Variants in OSBPL1A observed in about 807,000 individuals in gnomAD.
OSBPL1A encodes the protein oxysterol binding protein like 1A.
OSBPL1A carries 80 observed loss-of-function variants against 137.1 expected under a neutral mutation model. The ratio of observed to expected loss-of-function variants is 0.58; its 90% CI spans 0.49 to 0.70. The LOEUF is 0.70. OSBPL1A is among the 30% of genes least tolerant of loss of function. The pLI is 0.00. For missense variants in OSBPL1A, 970 were observed against 1,129.4 expected, an observed-to-expected ratio of 0.86 and a Z score of 2.02; for synonymous variants, 365 against 389.7, an observed-to-expected ratio of 0.94 and a Z score of 0.75.
chr18:24,323,539 C>CTTTTTTTTTTTTTTTTTTTTTTTT (rs763234169), intron 7 of OSBPL1A, among the ~76,000 whole-genome samples: 1 of 35,154 alleles, frequency 2.8e-5, no homozygotes, highest in Non-Finnish European at 5.0e-5. Flanking sequence ...GAGGCTTTTT[C>CTTTTTTTTTTTTTTTTTTTTTTTT]TTTTTTTTTT....
At position 24,208,737 on chromosome 18, in the gene OSBPL1A, A is replaced by C. The variant is rs1393267017; in HGVS notation, c.1602-12537T>G. Among the ~76,000 whole-genome samples, 5 of 152,250 alleles carry C rather than the reference A, an allele frequency of 3.3e-5. No individual in the cohort carries two copies. In the East Asian group the frequency reaches 9.6e-4, roughly 29 times the overall value. ...ACATTGCTGAGATCAACTTTATGCC[A>C]GATGATTTTCTATTAATTAGGGATC... On this transcript the variant is annotated intron_variant, in intron 17 of 27. Transcript: ENST00000319481.
chr18:24,249,186 C>G (rs2088994392), intron 15 of OSBPL1A, among the ~76,000 whole-genome samples: 1 of 152,196 alleles, frequency 6.6e-6, no homozygotes, highest in Admixed American at 6.5e-5. Context: ...ATTTCCATTA[C>G]CATGTACAGT....
intron 13 of OSBPL1A, 25 bp from the exon 14 acceptor site, chr18:24,303,743 TAAAAC>T (rs1476117494): frequency 9.0e-6 from 14 of 1,563,734 alleles, no homozygotes; most frequent in Non-Finnish European, 1.2e-5. Context: ...AAGACAAAAT[TAAAAC>T]AAAGTAATAA....
At chr18:24,372,528 C>A (rs1350165883) in intron 2 of OSBPL1A, among the ~76,000 whole-genome samples, 1 of 152,142 alleles carries the variant, frequency 6.6e-6, no homozygotes, top group Non-Finnish European at 1.5e-5. Flanking sequence ...CAATGGGTGG[C>A]CCCTCATTCC....
chr18:24,221,096 T>C (rs749206361), intron 17 of OSBPL1A, among the ~76,000 whole-genome samples: 9 of 152,216 alleles, frequency 5.9e-5, no homozygotes, highest in Non-Finnish European at 1.3e-4. Flanking sequence ...AATGAGGTTT[T>C]AAAACCAAGG....
In OSBPL1A at chr18:24,185,021, C is replaced by G. The variant is rs1404061367; in HGVS notation, c.1678-3742G>C. 2.6e-5 allele frequency among the ~76,000 whole-genome samples: 4 copies of G among 152,198 alleles called. No homozygotes were observed. In the East Asian group the frequency reaches 7.7e-4, roughly 29 times the overall value. ...GCTAAAAAGAAATGAGCTATCAAGT[C>G]ATGGAAAGACATGGAGGAAACTTAG... On this transcript the variant is annotated intron_variant, in intron 18 of 27. Transcript: ENST00000319481.
intron 2 of OSBPL1A, among the ~76,000 whole-genome samples, 184 bp downstream of exon 2, chr18:24,377,229 T>A (rs1475860393): frequency 3.8e-4 from 58 of 152,258 alleles, no homozygotes; most frequent in Non-Finnish European, 1.5e-5. Flanking sequence ...GAATTTAAAA[T>A]TCTTATGTCA....
chr18:24,334,196 G>A (rs773778759), intron 6 of OSBPL1A, 49 bp downstream of exon 6: 2 of 1,510,176 alleles, frequency 1.3e-6, no homozygotes, highest in Non-Finnish European at 1.8e-6. Context: ...TTCCTGAAGT[G>A]TAAAGAAAGA....
At chr18:24,344,120 A>T (rs180860318) in intron 4 of OSBPL1A, among the ~76,000 whole-genome samples, 1 of 152,336 alleles carries the variant, frequency 6.6e-6, no homozygotes, top group East Asian at 1.9e-4. Flanking sequence ...TAACCAGATT[A>T]AAAAATGGGC....
intron 16 of OSBPL1A, 148 bp from the exon 17 acceptor site, chr18:24,225,346 G>C (rs912132071): frequency 1.4e-6 from 1 of 722,760 alleles, no homozygotes; most frequent in Non-Finnish European, 2.3e-6. Context: ...CCTCCTCAGG[G>C]ATTTCACAGA....
intron 15 of OSBPL1A, among the ~76,000 whole-genome samples, chr18:24,256,654 G>T (rs1327310227): frequency 1.3e-5 from 2 of 152,028 alleles, no homozygotes; most frequent in East Asian, 3.9e-4. Flanking sequence ...TATCCAAATT[G>T]GAAAGGAAGA....
chr18:24,389,799 A>G (rs966762657), intron 1 of OSBPL1A, among the ~76,000 whole-genome samples: 18 of 152,004 alleles, frequency 1.2e-4, no homozygotes, highest in African/African-American at 4.1e-4. Flanking sequence ...AAACTTAGCC[A>G]GGTATGGTGG....
chr18:24,325,649 T>A (rs530272063), intron 7 of OSBPL1A, among the ~76,000 whole-genome samples: 1 of 152,330 alleles, frequency 6.6e-6, no homozygotes, highest in East Asian at 1.9e-4. Context: ...TGCATTTATT[T>A]GTTGTCTACC....
chr18:24,314,311 A>G lies in OSBPL1A; in HGVS notation c.907T>C (p.Cys303Arg), dbSNP rs756048610. The change falls in exon 12 of 28, where the codon TGC becomes CGC. Residue 303 changes from cysteine to arginine, a missense_variant. By Grantham distance (180) the Cys-to-Arg change is radical. Coordinates refer to ENST00000319481, the MANE Select transcript of OSBPL1A (RefSeq NM_080597.4). ...AAGCCATGAATGGTGTCATCAAAGC[A>G]TTTAATAAAGAAGAGGCAGCTATCA... Reference protein sequence around the residue: ...STDSCLFFIKCFDDTIHGFRV... With the variant: ...STDSCLFFIKRFDDTIHGFRV... The G allele has an allele frequency of 6.2e-7, 1 of 1,611,730 alleles. No homozygotes were observed. Among genetic ancestry groups the G allele is most frequent in the South Asian group, 1.1e-5 (1 of 90,488 alleles).
chr18:24,323,408 C>CCAGGTGCGGTGG (rs368434326), intron 7 of OSBPL1A, among the ~76,000 whole-genome samples: 1 of 100,396 alleles, frequency 1.0e-5, no homozygotes, highest in African/African-American at 4.8e-5. Context: ...CAAAAATTAG[C>CCAGGTGCGGTGG]AGAGACGGGG....
intron 15 of OSBPL1A, among the ~76,000 whole-genome samples, chr18:24,266,344 C>A (rs1034438951): frequency 3.3e-5 from 5 of 152,072 alleles, no homozygotes; most frequent in African/African-American, 1.2e-4. Context: ...CACAGGTTAT[C>A]CTGGCTTGTT....
At chr18:24,388,043 C>G (rs1485772672) in intron 1 of OSBPL1A, among the ~76,000 whole-genome samples, 1 of 152,074 alleles carries the variant, frequency 6.6e-6, no homozygotes, top group Non-Finnish European at 1.5e-5. Context: ...AGGCCTTACA[C>G]TAGGAGAACT....
At chr18:24,257,877 C>T (rs537052891) in intron 15 of OSBPL1A, among the ~76,000 whole-genome samples, 16 of 152,204 alleles carry the variant, frequency 1.1e-4, no homozygotes, top group African/African-American at 3.4e-4. Context: ...TATGAAAAGG[C>T]GCTCAACATC....
At chr18:24,355,857 C>T (rs573186616) in intron 4 of OSBPL1A, among the ~76,000 whole-genome samples, 2 of 151,990 alleles carry the variant, frequency 1.3e-5, no homozygotes, top group East Asian at 1.9e-4. Flanking sequence ...TGGTGGCATG[C>T]GCCTGTAATC....
Sources: gnomAD v4.1 joint callset for allele counts (sites outside exome capture counted in the v4.1 genomes callset) on GRCh38, gnomAD v4.1.1 for gene constraint, MANE v1.5 for transcripts, NCBI Gene and HGNC (gene_info 2026-07-23, HGNC 2026-07-21) for gene names.